Variants in ANKRD31 observed in about 807,000 individuals in gnomAD.
ANKRD31 encodes ankyrin repeat domain 31, also known as ankyrin repeat domain-containing protein 31.
A neutral mutation model predicts 186.0 loss-of-function variants in ANKRD31; 147 were observed. That is an observed-to-expected ratio of 0.79 (90% CI 0.69 to 0.91). The LOEUF (loss-of-function observed/expected upper bound fraction) is 0.91, where lower values mean the gene tolerates loss of function less well. Among genes scored for constraint, ANKRD31 ranks in the 40% least tolerant of loss-of-function variants. The pLI is 0.00. For synonymous variants in ANKRD31, 673 were observed against 736.4 expected, an observed-to-expected ratio of 0.91 and a Z score of 1.39; for missense variants, 1,986 against 2,148.8, an observed-to-expected ratio of 0.92 and a Z score of 1.50.
chr5:75,138,200 C>T (rs972491189), intron 16 of ANKRD31, among the ~76,000 whole-genome samples: 2 of 152,074 alleles, frequency 1.3e-5, no homozygotes, highest in Admixed American at 6.6e-5. Flanking sequence ...GGTCTCATCA[C>T]AAATATTTGT....
At chr5:75,126,659 T>C (rs1367446604) in intron 17 of ANKRD31, among the ~76,000 whole-genome samples, 1 of 152,162 alleles carries the variant, frequency 6.6e-6, no homozygotes, top group African/African-American at 2.4e-5. Flanking sequence ...TAATAAAAAT[T>C]GCCAAATTGT....
chr5:75,188,515 A>C lies in ANKRD31; in HGVS notation c.1542T>G (p.Asn514Lys), dbSNP rs376837072. The C allele has an allele frequency of 3.5e-5, 53 of 1,535,978 alleles. No homozygotes were observed. In the African/African-American group the frequency reaches 6.7e-4, roughly 19 times the overall value. The change falls in exon 10 of 26, where the codon AAT becomes AAG. Residue 514 changes from asparagine to lysine, a missense_variant. Coordinates refer to ENST00000506364, the MANE Select transcript of ANKRD31 (RefSeq NM_001372053.1). ...LVHHCIKKGG[N>K]VNQPSYAGWT... The stretch of plus-strand genomic sequence containing the variant: ...TACCAGCATAACTTGGCTGATTAAC[A>C]TTTCCACCTTTTTTTATACAATGAT...
intron 1 of ANKRD31, among the ~76,000 whole-genome samples, chr5:75,231,319 T>C (rs1757940003): frequency 6.6e-6 from 1 of 151,890 alleles, no homozygotes; most frequent in Admixed American, 6.6e-5. Context: ...ACTTAAATGA[T>C]CCTGCCTTGA....
chr5:75,173,610 C>A (rs1263080493), intron 10 of ANKRD31, among the ~76,000 whole-genome samples: 2 of 152,160 alleles, frequency 1.3e-5, no homozygotes, highest in Non-Finnish European at 2.9e-5. Context: ...AGAGCCAAGT[C>A]ACGAGTGAAC....
intron 13 of ANKRD31, among the ~76,000 whole-genome samples, chr5:75,147,711 C>G (rs1751575811): frequency 6.6e-6 from 1 of 151,866 alleles, no homozygotes; most frequent in African/African-American, 2.4e-5. Context: ...TAGATTTAGA[C>G]TCAGTATGTA....
Position 75,154,346 on chromosome 5 carries a change from C to G in ANKRD31, c.1708-1G>C. The G allele has an allele frequency of 6.6e-7, 1 of 1,524,986 alleles. No individual in the cohort carries two copies. The highest frequency in any genetic ancestry group is 8.8e-7 in the Non-Finnish European group (1 of 1,141,768). 94.5% of individuals were successfully genotyped at this position (1,524,986 alleles called of 1,614,324 possible). A position where few individuals can be genotyped will look rare whatever the true frequency, so the allele number is the denominator to read the frequency against. On this transcript the variant is annotated splice_acceptor_variant, in intron 11 of 25. Transcript: ENST00000506364. LOFTEE classifies it high-confidence loss of function. Reference sequence around the variant, plus strand: ...CATTCAGAAGAAGTAACTCTGCCACCTAGAAAAAGGTTATTTATGTAAGGG... The same window carrying G: ...CATTCAGAAGAAGTAACTCTGCCACGTAGAAAAAGGTTATTTATGTAAGGG...
chr5:75,207,002 T>TA (rs948921854), intron 4 of ANKRD31, among the ~76,000 whole-genome samples: 3 of 152,190 alleles, frequency 2.0e-5, no homozygotes, highest in Non-Finnish European at 2.9e-5. Flanking sequence ...GGGTCATGCC[T>TA]AATCTGCAAT....
chr5:75,180,221 A>G (rs1418353651), intron 10 of ANKRD31, among the ~76,000 whole-genome samples: 1 of 152,204 alleles, frequency 6.6e-6, no homozygotes, highest in Non-Finnish European at 1.5e-5. Context: ...CCACTGCTCA[A>G]TGAAATGAAA....
intron 20 of ANKRD31, among the ~76,000 whole-genome samples, chr5:75,108,745 C>T (rs192368332): frequency 6.6e-6 from 1 of 152,192 alleles, no homozygotes; most frequent in African/African-American, 2.4e-5. Context: ...GGATTAGTTT[C>T]ACGACATGAT....
intron 22 of ANKRD31, among the ~76,000 whole-genome samples, chr5:75,100,639 A>T (rs1377859135): frequency 6.6e-6 from 1 of 152,124 alleles, no homozygotes; most frequent in African/African-American, 2.4e-5. Context: ...TCGGATAGTT[A>T]GCTCTTCTTG....
intron 2 of ANKRD31, among the ~76,000 whole-genome samples, chr5:75,227,304 T>C (rs767276703): frequency 6.6e-6 from 1 of 152,122 alleles, no homozygotes; most frequent in South Asian, 2.1e-4. Flanking sequence ...GAGAAGGATG[T>C]AGGGATGGTT....
chr5:75,081,684 CAGAGAGAGAGAGAGACAG>C (rs1554066973), intron 24 of ANKRD31, among the ~76,000 whole-genome samples: 35 of 137,494 alleles, frequency 2.5e-4, no homozygotes, highest in South Asian at 4.6e-4. Context: ...GGGGAGGAGG[CAGAGAGAGAGAGAGACAG>C]AGAGAGAGAG....
At chr5:75,226,127 C>T (rs1757611290) in intron 2 of ANKRD31, among the ~76,000 whole-genome samples, 1 of 152,156 alleles carries the variant, frequency 6.6e-6, no homozygotes, top group Non-Finnish European at 1.5e-5. Context: ...GGTTTGAGTG[C>T]CAGCTCAGCC....
At chr5:75,097,923 C>T (rs149780745) in intron 22 of ANKRD31, among the ~76,000 whole-genome samples, 10,477 of 152,150 alleles carry the variant, frequency 0.069, 433 homozygotes, top group Middle Eastern at 0.17. Flanking sequence ...GAATCGTTTC[C>T]CCATTTCTTG....
chr5:75,228,741 A>G (rs1423085594), intron 2 of ANKRD31, among the ~76,000 whole-genome samples: 1 of 152,108 alleles, frequency 6.6e-6, no homozygotes, highest in Non-Finnish European at 1.5e-5. Context: ...AACCAGCGAC[A>G]TAGTAAAGAT....
intron 22 of ANKRD31, among the ~76,000 whole-genome samples, chr5:75,103,480 C>T (rs1356388766): frequency 6.6e-6 from 1 of 152,142 alleles, no homozygotes. Context: ...ACCATTTGCC[C>T]CAGCAATCCA....
chr5:75,235,683 C>T (rs1580613188), intron 1 of ANKRD31, among the ~76,000 whole-genome samples: 1 of 152,188 alleles, frequency 6.6e-6, no homozygotes, highest in Non-Finnish European at 1.5e-5. Flanking sequence ...AGACACCAAC[C>T]ATGGCAACTG....
At chr5:75,162,863 T>C (rs1475582513) in intron 11 of ANKRD31, among the ~76,000 whole-genome samples, 1 of 145,178 alleles carries the variant, frequency 6.9e-6, no homozygotes, top group African/African-American at 2.5e-5. Context: ...AATATATCCT[T>C]TTAGAAAGGA....
chr5:75,090,465 G>C (rs983625366), intron 23 of ANKRD31, among the ~76,000 whole-genome samples: 12 of 151,966 alleles, frequency 7.9e-5, no homozygotes, highest in Non-Finnish European at 1.8e-4. Flanking sequence ...GGGCAGACCT[G>C]GGTTAAACAA....
Sources: allele counts gnomAD v4.1 joint callset (sites outside exome capture counted in the v4.1 genomes callset), GRCh38; gene constraint gnomAD v4.1.1; transcripts MANE v1.5; gene names NCBI Gene and HGNC (gene_info 2026-07-23, HGNC 2026-07-21).